The following RAB38 variants were observed in gnomAD, a reference collection of about 807,000 sequenced individuals.
RAB38 encodes RAB38, member RAS oncogene family, also known as ras-related protein Rab-38.
In RAB38, 15 loss-of-function variants were observed where a neutral mutation model predicts 18.4. That is an observed-to-expected ratio of 0.82 (90% confidence interval 0.55 to 1.26). The LOEUF is 1.26. RAB38 is among the 50% of genes most tolerant of loss of function. RAB38 has a pLI of 0.00. For missense variants in RAB38, 294 were observed against 267.4 expected (o/e 1.10, Z -0.69); for synonymous variants, 101 against 104.4 (o/e 0.97, Z 0.20).
the RAB38 span, among the ~76,000 whole-genome samples, chr11:87,897,121 T>C: frequency 1.3e-5 from 2 of 151,576 alleles, no homozygotes; most frequent in African/African-American, 4.8e-5. Flanking sequence ...AATAAGAACA[T>C]GTAAACATGA....
chr11:87,823,431 G>GT, the RAB38 span, among the ~76,000 whole-genome samples: 1 of 150,872 alleles, frequency 6.6e-6, no homozygotes, highest in South Asian at 2.1e-4. Flanking sequence ...AAATATATAT[G>GT]AAAATTCAAT....
At chr11:88,022,476 T>C in the RAB38 span, among the ~76,000 whole-genome samples, 1 of 151,748 alleles carries the variant, frequency 6.6e-6, no homozygotes, top group South Asian at 2.1e-4. Flanking sequence ...TTATTCAATA[T>C]AGTACTGGAA....
At chr11:87,862,086 A>G in the RAB38 span, among the ~76,000 whole-genome samples, 1 of 151,982 alleles carries the variant, frequency 6.6e-6, no homozygotes, top group Non-Finnish European at 1.5e-5. Flanking sequence ...CAGTTAAACT[A>G]TTGTGGAAGA....
intron 1 of RAB38, among the ~76,000 whole-genome samples, chr11:88,164,259 T>TG (rs749101503): frequency 0.019 from 1,921 of 103,280 alleles, 180 homozygotes; most frequent in East Asian, 0.044. Context: ...GTGCTCTCGG[T>TG]GGGGGGGGGT....
At chr11:88,101,687 G>A in the RAB38 span, among the ~76,000 whole-genome samples, 2 of 151,320 alleles carry the variant, frequency 1.3e-5, no homozygotes, top group Non-Finnish European at 3.0e-5. Context: ...ATAAAGACAC[G>A]GTTTCTGTTT....
At chr11:87,976,681 T>TTTATATAATA in the RAB38 span, among the ~76,000 whole-genome samples, 1,197 of 33,744 alleles carry the variant, frequency 0.035, 24 homozygotes, top group African/African-American at 0.088. Flanking sequence ...TGATATATAT[T>TTTATATAATA]TATATATTTA....
chr11:87,920,352 C>G, the RAB38 span, among the ~76,000 whole-genome samples: 1 of 151,720 alleles, frequency 6.6e-6, no homozygotes, highest in African/African-American at 2.4e-5. Context: ...CCATTTTCTG[C>G]TCAAGATTAA....
At chr11:88,152,729 GATGAA>G (rs1943078723) in intron 1 of RAB38, among the ~76,000 whole-genome samples, 13 of 152,170 alleles carry the variant, frequency 8.5e-5, no homozygotes, top group Admixed American at 3.3e-4. Flanking sequence ...GTAGAGACCT[GATGAA>G]TTCATCATAG....
the RAB38 span, among the ~76,000 whole-genome samples, chr11:87,937,372 T>G: frequency 1.4e-5 from 2 of 144,138 alleles, no homozygotes; most frequent in Non-Finnish European, 3.0e-5. Context: ...TTTGCTAGTA[T>G]TTTGTTAAGT....
the RAB38 span, among the ~76,000 whole-genome samples, chr11:88,030,965 T>C: frequency 1.3e-5 from 2 of 151,144 alleles, no homozygotes; most frequent in Admixed American, 6.6e-5. Flanking sequence ...TGAACATTGA[T>C]GCAAAAATCC....
chr11:87,816,868 A>G, the RAB38 span: 1 of 152,076 alleles, frequency 6.6e-6, no homozygotes, highest in Non-Finnish European at 1.5e-5. Flanking sequence ...AAGAATCTAT[A>G]TTTTTACCAG....
At chr11:87,954,240 T>G in the RAB38 span, among the ~76,000 whole-genome samples, 212 of 152,284 alleles carry the variant, frequency 1.4e-3, no homozygotes, top group African/African-American at 5.0e-3. Context: ...GGACGATGCA[T>G]CCACCCTGCT....
the RAB38 span, among the ~76,000 whole-genome samples, chr11:87,966,380 G>C: frequency 1.3e-5 from 2 of 152,112 alleles, no homozygotes; most frequent in African/African-American, 4.8e-5. Flanking sequence ...TTCAGCACTA[G>C]GAGATGGAAA....
chr11:87,843,573 C>T, the RAB38 span, among the ~76,000 whole-genome samples: 2 of 152,190 alleles, frequency 1.3e-5, no homozygotes, highest in African/African-American at 2.4e-5. Context: ...AAAGGAAGCA[C>T]TATTCTTGGA....
chr11:88,141,751 C>A (rs1304422647), intron 2 of RAB38, among the ~76,000 whole-genome samples: 1 of 152,172 alleles, frequency 6.6e-6, no homozygotes, highest in Non-Finnish European at 1.5e-5. Flanking sequence ...GCATTGTCAG[C>A]ACTTTCTGTT....
the RAB38 span, among the ~76,000 whole-genome samples, chr11:87,816,741 G>C: frequency 6.6e-6 from 1 of 151,980 alleles, no homozygotes; most frequent in African/African-American, 2.4e-5. Flanking sequence ...GTATCCTATA[G>C]ACTTTATTTT....
chr11:87,943,025 C>T, the RAB38 span, among the ~76,000 whole-genome samples: 4 of 151,898 alleles, frequency 2.6e-5, no homozygotes, highest in Non-Finnish European at 4.4e-5. Flanking sequence ...GGGTAATTCT[C>T]GCATAAGCCA....
chr11:87,923,618 T>C, the RAB38 span, among the ~76,000 whole-genome samples: 15 of 151,772 alleles, frequency 9.9e-5, no homozygotes, highest in Non-Finnish European at 1.8e-4. Flanking sequence ...CTAATGCAGA[T>C]ACATTTTTTA....
chr11:88,147,581 A>G (rs1266817849), intron 2 of RAB38, among the ~76,000 whole-genome samples: 1 of 151,756 alleles, frequency 6.6e-6, no homozygotes. Context: ...AAAAAAAAAA[A>G]AAAAACAGCT....
Sources: allele counts gnomAD v4.1 joint callset (sites outside exome capture counted in the v4.1 genomes callset), GRCh38; gene constraint gnomAD v4.1.1; transcripts MANE v1.5; gene names NCBI Gene and HGNC (gene_info 2026-07-23, HGNC 2026-07-21).